Variants in TP73 observed in about 807,000 individuals in gnomAD.
TP73 encodes the protein p53-like transcription factor.
TP73 carries 25 observed loss-of-function variants against 62.5 expected under a neutral mutation model. That is an observed-to-expected ratio of 0.40 (90% CI 0.29 to 0.56). The LOEUF is 0.56. Ranked by LOEUF, TP73 falls within the 20% of genes least tolerant of loss-of-function variation. The pLI, the probability that TP73 is intolerant of heterozygous loss-of-function variation, is 0.46. For missense variants in TP73, 754 were observed against 913.3 expected, an observed-to-expected ratio of 0.83 and a Z score of 2.25; for synonymous variants, 423 against 377.5, an observed-to-expected ratio of 1.12 and a Z score of -1.40.
intron 4 of TP73, among the ~76,000 whole-genome samples, chr1:3,709,182 A>T (rs1639927377): frequency 6.6e-6 from 1 of 151,744 alleles, no homozygotes; most frequent in Non-Finnish European, 1.5e-5. Flanking sequence ...TCTGATTCTC[A>T]CTCCAGCCAC....
intron 1 of TP73, among the ~76,000 whole-genome samples, chr1:3,655,124 C>T (rs532188539): frequency 6.2e-4 from 94 of 152,384 alleles, no homozygotes; most frequent in Non-Finnish European, 7.2e-4. Context: ...CCGTGGCCCA[C>T]GCCTGTAATC....
intron 3 of TP73, among the ~76,000 whole-genome samples, chr1:3,688,139 C>G (rs377618884): frequency 6.6e-6 from 1 of 152,120 alleles, no homozygotes; most frequent in Non-Finnish European, 1.5e-5. Flanking sequence ...AGGGAGGGGG[C>G]TCAGCTCACC....
At position 3,666,124 on chromosome 1, in the gene TP73, CAAAAAA is replaced by C. The variant is rs59432695; in HGVS notation, c.-34+13505_-34+13510del. Among the ~76,000 whole-genome samples the C allele has an allele frequency of 3.0e-3, 123 of 41,078 alleles. No homozygotes were observed. Among genetic ancestry groups the C allele is most frequent in the Non-Finnish European group, 4.4e-3 (98 of 22,130 alleles). 26.9% of individuals were successfully genotyped at this position (41,078 alleles called of 152,430 possible). On this transcript the variant is annotated intron_variant, in intron 1 of 13. Coordinates refer to ENST00000378295, the MANE Select transcript of TP73 (RefSeq NM_005427.4). This position sits in a 1 kb window ranked among gnomAD's most constrained non-coding sequence, Gnocchi z 6.4. Reference sequence around the variant, plus strand: ...GGGCAACAAGAGCAAAACTCTGTCTCAAAAAAAAAAAAAAAAAAAAAAAAAAAGAGA... The same window carrying C: ...GGGCAACAAGAGCAAAACTCTGTCTCAAAAAAAAAAAAAAAAAAAAAGAGA...
chr1:3,726,579 GTGGA>G (rs541302550), intron 6 of TP73, among the ~76,000 whole-genome samples: 4 of 147,946 alleles, frequency 2.7e-5, no homozygotes, highest in South Asian at 2.2e-4. Flanking sequence ...AAGTGGGGGA[GTGGA>G]TGGATGGATG....
chr1:3,730,266 C>T, intron 11 of TP73, 118 bp downstream of exon 11: 4 of 1,218,548 alleles, frequency 3.3e-6, no homozygotes, highest in Non-Finnish European at 4.3e-6. Context: ...TGGCTGGCTC[C>T]TTCCAGCGGT....
chr1:3,732,758 C>T lies in TP73; in HGVS notation c.1590C>T (p.Ala530=). ...LQNLTIEDLG[A]LKIPEQYRMT... ...CCGGCCTCTCGCAGGACCTGGGGGCCCTGAAGATCCCCGAGCAGTACCGCA... is the reference window on the plus strand; with the variant it reads ...CCGGCCTCTCGCAGGACCTGGGGGCTCTGAAGATCCCCGAGCAGTACCGCA... The change falls in exon 14 of 14, where the codon GCC becomes GCT. Residue 530 remains alanine (A), a synonymous_variant. Coordinates refer to ENST00000378295, the MANE Select transcript of TP73 (RefSeq NM_005427.4). 2.5e-6 allele frequency: 4 copies of T among 1,574,292 alleles called. No homozygotes were observed. The highest frequency in any genetic ancestry group is 3.5e-6 in the Non-Finnish European group (4 of 1,156,764).
At chr1:3,690,316 A>G (rs889028206) in intron 3 of TP73, among the ~76,000 whole-genome samples, 1 of 151,726 alleles carries the variant, frequency 6.6e-6, no homozygotes, top group Non-Finnish European at 1.5e-5. Context: ...TTCCCCGCGC[A>G]GGGGGCAGGT....
intron 3 of TP73, among the ~76,000 whole-genome samples, chr1:3,702,544 C>T (rs898367848): frequency 2.6e-5 from 4 of 152,232 alleles, no homozygotes; most frequent in Admixed American, 1.3e-4. Context: ...CCCAACCCAT[C>T]CGCAGGGAGG....
rs1400819253 is a variant in TP73 at position 3,682,407 on chromosome 1, G to A, written c.42G>A (p.Thr14=). 16 of 1,564,366 alleles carry A rather than the reference G, an allele frequency of 1.0e-5. No individual in the cohort carries two copies. Among genetic ancestry groups the A allele is most frequent in the East Asian group, 2.3e-5 (1 of 42,696 alleles). Residue 14 remains threonine (T), a synonymous_variant, in exon 2 of 14, where the codon ACG becomes ACA. Coordinates refer to ENST00000378295, the MANE Select transcript of TP73 (RefSeq NM_005427.4). ...STATSPDGGT[T]FEHLWSSLEP... is the part of the protein sequence containing the mutation. ...CCACCTCCCCTGATGGGGGCACCAC[G>A]TTTGAGCACCTCTGGAGCTCTCTGT...
intron 3 of TP73, among the ~76,000 whole-genome samples, chr1:3,703,059 G>T (rs1348593645): frequency 6.6e-6 from 1 of 152,168 alleles, no homozygotes; most frequent in Non-Finnish European, 1.5e-5. Context: ...GCTTGTGGAG[G>T]ATGCCTGGGG....
At chr1:3,689,458 T>G (rs940536447) in intron 3 of TP73, among the ~76,000 whole-genome samples, 11 of 152,100 alleles carry the variant, frequency 7.2e-5, no homozygotes, top group Admixed American at 2.0e-4. Flanking sequence ...CCCAGCCCCT[T>G]GGGGCACAAC....
intron 1 of TP73, among the ~76,000 whole-genome samples, chr1:3,676,641 G>A (rs759209627): frequency 7.9e-5 from 12 of 151,954 alleles, no homozygotes; most frequent in Non-Finnish European, 1.3e-4. Context: ...ATTCGGGTGC[G>A]GCCAGGCCAT....
Position 3,687,480 on chromosome 1 carries a change from G to A in TP73, c.186+4300G>A, listed in dbSNP as rs887691854. Among the ~76,000 whole-genome samples the A allele has an allele frequency of 5.3e-5, 8 of 152,206 alleles. No individual in the cohort carries two copies. The East Asian group carries it at 1.2e-3, about 22-fold the overall frequency. Reference sequence around the variant, plus strand: ...GTCCTATCCTCACCCGGACCCACCCGAGGAGTCTCTGCAGTGCTGGGCCTG... The same window carrying A: ...GTCCTATCCTCACCCGGACCCACCCAAGGAGTCTCTGCAGTGCTGGGCCTG... On this transcript the variant is annotated intron_variant, in intron 3 of 13. Transcript: ENST00000378295.
rs773643657 is a variant in TP73, at chr1:3,732,968, C to A, written c.1800C>A (p.Gly600=). The change falls in exon 14 of 14, where the codon GGC becomes GGA. Residue 600 remains glycine, a synonymous_variant. Coordinates refer to ENST00000378295, the MANE Select transcript of TP73 (RefSeq NM_005427.4). ...ACACCATCACCATCCCCAACCGCGG[C>A]GGCCCAGGCGGCGGCCCTGACGAGT... ...VRHTITIPNR[G]GPGGGPDEWA... 1.2e-6 allele frequency: 2 copies of A among 1,601,448 alleles called. No individual in the cohort carries two copies. The highest frequency in any genetic ancestry group is 1.6e-4 in the Middle Eastern group (1 of 6,076).
chr1:3,724,166 T>C (rs554243368), intron 6 of TP73, among the ~76,000 whole-genome samples: 5 of 151,588 alleles, frequency 3.3e-5, no homozygotes, highest in Admixed American at 2.0e-4. Context: ...GGGGCCCAAC[T>C]GGTGTGAAAG....
chr1:3,667,409 C>A (rs983022036), intron 1 of TP73, among the ~76,000 whole-genome samples: 1 of 152,252 alleles, frequency 6.6e-6, no homozygotes, highest in Non-Finnish European at 1.5e-5. Flanking sequence ...AGAAAACAGA[C>A]AGTGCGCACA....
intron 9 of TP73, 97 bp from the exon 10 acceptor site, chr1:3,729,230 G>A (rs1457024785): frequency 1.3e-6 from 2 of 1,542,050 alleles, no homozygotes; most frequent in South Asian, 2.4e-5. Flanking sequence ...AGAAAGGACA[G>A]ATGCTTTGCC....
At chr1:3,657,056 C>T (rs747028594) in intron 1 of TP73, among the ~76,000 whole-genome samples, 1 of 152,340 alleles carries the variant, frequency 6.6e-6, no homozygotes, top group South Asian at 2.1e-4. Context: ...AACAAAGAAG[C>T]GCACATATGA....
intron 12 of TP73, 116 bp from the exon 13 acceptor site, chr1:3,731,347 A>T: frequency 1.8e-6 from 2 of 1,132,234 alleles, no homozygotes; most frequent in Non-Finnish European, 2.5e-6. Flanking sequence ...GGCTGGAGCC[A>T]CCCTTCGGAG....
Sources: gnomAD v4.1 joint callset for allele counts (sites outside exome capture counted in the v4.1 genomes callset) on GRCh38, gnomAD v4.1.1 for gene constraint, Gnocchi (gnomAD v3.1) non-coding constraint, MANE v1.5 for transcripts, NCBI Gene and HGNC (gene_info 2026-07-23, HGNC 2026-07-21) for gene names.